The following BANK1 variants were observed in gnomAD, a reference collection of about 807,000 sequenced individuals.
The protein encoded by BANK1 is B-cell scaffold protein with ankyrin repeats.
Under a neutral mutation model 94.5 loss-of-function variants are expected in BANK1, and 95 were observed. The ratio of observed to expected loss-of-function variants is 1.00; its 90% CI spans 0.85 to 1.19. The LOEUF (loss-of-function observed/expected upper bound fraction) is 1.19. Among genes scored for constraint, BANK1 ranks in the 50% most tolerant of loss-of-function variants. The probability of loss-of-function intolerance (pLI) is 0.00; values close to 1 mark genes in which losing one functional copy is unlikely to be tolerated. For missense variants in BANK1, 987 were observed against 932.2 expected (o/e 1.06, Z -0.77); for synonymous variants, 334 against 308.4 (o/e 1.08, Z -0.87).
At chr4:102,015,990 T>C (rs1726686506) in intron 7 of BANK1, among the ~76,000 whole-genome samples, 1 of 152,170 alleles carries the variant, frequency 6.6e-6, no homozygotes, top group Non-Finnish European at 1.5e-5. Flanking sequence ...CACTCAAATA[T>C]ATCCTTCCAT....
intron 5 of BANK1, among the ~76,000 whole-genome samples, chr4:101,883,872 CA>C (rs1398665152): frequency 6.6e-6 from 1 of 152,180 alleles, no homozygotes; most frequent in Non-Finnish European, 1.5e-5. Context: ...GAACAAACCT[CA>C]AATCATCAAT....
At chr4:101,897,614 A>C (rs535917007) in intron 6 of BANK1, among the ~76,000 whole-genome samples, 1 of 152,020 alleles carries the variant, frequency 6.6e-6, no homozygotes, top group African/African-American at 2.4e-5. Context: ...CATACCTCTC[A>C]CTAGGTACTA....
At chr4:101,940,803 G>A (rs1392334015) in intron 7 of BANK1, among the ~76,000 whole-genome samples, 2 of 151,760 alleles carry the variant, frequency 1.3e-5, no homozygotes, top group African/African-American at 4.8e-5. Flanking sequence ...CATCATTGCT[G>A]ATGGATGTTT....
chr4:101,802,223 A>C (rs1338351434), intron 1 of BANK1, among the ~76,000 whole-genome samples: 2 of 152,198 alleles, frequency 1.3e-5, no homozygotes, highest in Non-Finnish European at 2.9e-5. Context: ...TCAGTGTCTT[A>C]ATGATTTTTG....
intron 7 of BANK1, among the ~76,000 whole-genome samples, chr4:101,927,074 A>G (rs1327099195): frequency 2.0e-5 from 3 of 151,758 alleles, no homozygotes; most frequent in South Asian, 2.1e-4. Flanking sequence ...ACACACTGCT[A>G]TAAAGAATTG....
At chr4:101,879,337 A>G (rs1486830947) in intron 5 of BANK1, among the ~76,000 whole-genome samples, 1 of 152,086 alleles carries the variant, frequency 6.6e-6, no homozygotes, top group Non-Finnish European at 1.5e-5. Flanking sequence ...TATACCAACA[A>G]AGTGGAAAAT....
chr4:101,851,364 A>G (rs1378713804), intron 2 of BANK1, among the ~76,000 whole-genome samples: 1 of 152,196 alleles, frequency 6.6e-6, no homozygotes, highest in Non-Finnish European at 1.5e-5. Context: ...AAAAAAACCT[A>G]ACTAGGCGTG....
intron 7 of BANK1, among the ~76,000 whole-genome samples, chr4:102,002,680 A>G (rs916183768): frequency 2.6e-5 from 4 of 152,146 alleles, no homozygotes; most frequent in Non-Finnish European, 5.9e-5. Flanking sequence ...GCTTCAATCC[A>G]CAGCTTTCGG....
chr4:101,954,923 G>A (rs1049627253), intron 7 of BANK1, among the ~76,000 whole-genome samples: 9 of 152,242 alleles, frequency 5.9e-5, no homozygotes, highest in African/African-American at 1.9e-4. Context: ...AGAGAGCAAG[G>A]TATGGCTTGT....
chr4:102,068,939 A>T (rs1728676354), intron 13 of BANK1, among the ~76,000 whole-genome samples: 1 of 152,162 alleles, frequency 6.6e-6, no homozygotes, highest in African/African-American at 2.4e-5. Flanking sequence ...GCCAAAATTG[A>T]CTCAAAAAAT....
intron 1 of BANK1, among the ~76,000 whole-genome samples, chr4:101,805,612 A>G (rs1725524022): frequency 1.3e-5 from 2 of 149,646 alleles, no homozygotes; most frequent in African/African-American, 2.4e-5. Flanking sequence ...TACATTATAT[A>G]CATTATGTAT....
chr4:101,860,283 T>C (rs1173235176), intron 3 of BANK1, among the ~76,000 whole-genome samples: 2 of 152,140 alleles, frequency 1.3e-5, no homozygotes, highest in African/African-American at 4.8e-5. Context: ...GGGCCCTGTG[T>C]GACGGTAAGG....
rs1447468731 is a variant in BANK1, at chr4:101,862,576, T to C, written c.675T>C (p.Thr225=). ...IILRDEVIGD[T]VEVEFTSSNK... ...TGAGAGATGAAGTAATTGGTGATACTGTAGAGGTTGAATTTACATCAAGTA... is the reference window on the plus strand; with the variant it reads ...TGAGAGATGAAGTAATTGGTGATACCGTAGAGGTTGAATTTACATCAAGTA... Residue 225 remains threonine, a synonymous_variant, in exon 4 of 17, where the codon ACT becomes ACC. Transcript: ENST00000322953. 6.2e-7 allele frequency: 1 copy of C among 1,611,128 alleles called. No individual in the cohort carries two copies. Among genetic ancestry groups the C allele is most frequent in the Non-Finnish European group, 8.5e-7 (1 of 1,178,210 alleles).
At chr4:101,987,003 A>G (rs1424290201) in intron 7 of BANK1, among the ~76,000 whole-genome samples, 1 of 147,842 alleles carries the variant, frequency 6.8e-6, no homozygotes, top group Admixed American at 6.8e-5. Context: ...AAAGAAAAAA[A>G]AAAAGGAAAG....
At chr4:101,917,796 A>G (rs942818046) in intron 6 of BANK1, among the ~76,000 whole-genome samples, 197 bp from the exon 7 acceptor site, 1 of 151,776 alleles carries the variant, frequency 6.6e-6, no homozygotes, top group Non-Finnish European at 1.5e-5. Context: ...TAGTGAGAAT[A>G]TTAGTTTATA....
chr4:102,036,367 CTG>C (rs2148953240), intron 10 of BANK1, among the ~76,000 whole-genome samples: 2 of 152,302 alleles, frequency 1.3e-5, no homozygotes, highest in Non-Finnish European at 2.9e-5. Flanking sequence ...CTTGTAGAAA[CTG>C]TTAGGAAAAT....
rs1233976511 is a variant in BANK1, at chr4:101,901,093, C to T, written c.1009+5683C>T. Among the ~76,000 whole-genome samples, 3 of 152,202 alleles carry T rather than the reference C, an allele frequency of 2.0e-5. No individual in the cohort carries two copies. The East Asian group carries it at 5.8e-4, about 29-fold the overall frequency. On this transcript the variant is annotated intron_variant, in intron 6 of 16. Transcript: ENST00000322953. ...CCCACAAAATAACTTGTGATATACA[C>T]AACACCATCCATTAATGCTAGAAAT...
intron 1 of BANK1, among the ~76,000 whole-genome samples, chr4:101,820,086 G>A (rs1229664578): frequency 6.6e-6 from 1 of 152,150 alleles, no homozygotes; most frequent in African/African-American, 2.4e-5. Flanking sequence ...TGGAATCCAA[G>A]CTTTAATTAA....
At chr4:102,047,027 T>G (rs1264307027) in intron 11 of BANK1, among the ~76,000 whole-genome samples, 3 of 152,102 alleles carry the variant, frequency 2.0e-5, no homozygotes, top group Admixed American at 6.6e-5. Flanking sequence ...ACCAGGAAAT[T>G]GTTTCACAGC....
Sources: allele counts gnomAD v4.1 joint callset (sites outside exome capture counted in the v4.1 genomes callset), GRCh38; gene constraint gnomAD v4.1.1; transcripts MANE v1.5; gene names NCBI Gene and HGNC (gene_info 2026-07-23, HGNC 2026-07-21).